SSH1: variants seen among roughly 807,000 people sequenced by gnomAD.
The protein encoded by SSH1 is slingshot protein phosphatase 1.
SSH1 carries 43 observed loss-of-function variants against 79.7 expected under a neutral mutation model. The ratio of observed to expected loss-of-function variants is 0.54; its 90% confidence interval spans 0.42 to 0.70. SSH1 has a LOEUF of 0.70. SSH1 is among the 30% of genes least tolerant of loss of function. The pLI is 0.00. For synonymous variants in SSH1, 599 were observed against 538.3 expected (o/e 1.11, Z -1.56); for missense variants, 1,206 against 1,358.8 (o/e 0.89, Z 1.77).
chr12:108,849,444 C>T (rs1566020799), intron 2 of SSH1, among the ~76,000 whole-genome samples: 1 of 152,112 alleles, frequency 6.6e-6, no homozygotes, highest in Non-Finnish European at 1.5e-5. Flanking sequence ...GTAGTCCCAG[C>T]TACTTGGGAG....
intron 2 of SSH1, among the ~76,000 whole-genome samples, chr12:108,831,093 T>C (rs2038460508): frequency 6.6e-6 from 1 of 152,144 alleles, no homozygotes; most frequent in Non-Finnish European, 1.5e-5. Flanking sequence ...ATAGTACAAA[T>C]TTAGGATTTC....
intron 8 of SSH1, among the ~76,000 whole-genome samples, 193 bp from the exon 9 acceptor site, chr12:108,806,587 G>A (rs2037288175): frequency 6.6e-6 from 1 of 152,196 alleles, no homozygotes; most frequent in African/African-American, 2.4e-5. Context: ...ACTCCCACGG[G>A]AGTCAACAGA....
Position 108,787,345 on chromosome 12 carries a change from C to G in SSH1, c.*643G>C, listed in dbSNP as rs2036308516. 1 of 153,340 alleles carries G rather than the reference C, an allele frequency of 6.5e-6. No homozygotes were observed. Among genetic ancestry groups the G allele is most frequent in the Non-Finnish European group, 1.5e-5 (1 of 68,920 alleles). The allele number at this position is 153,340 out of a possible 1,614,324, so 9.5% of individuals were successfully genotyped here. On this transcript the variant is annotated 3_prime_UTR_variant, in exon 15 of 15. Coordinates refer to ENST00000326495, the MANE Select transcript of SSH1 (RefSeq NM_018984.4). ...CCACCATTCGGGCACAGAGTCAGCT[C>G]AACAACAGCGTGGGACTACTCATCT...
At position 108,788,567 on chromosome 12, in the gene SSH1, C is replaced by A; in HGVS notation, c.2571G>T (p.Glu857Asp). Residue 857 changes from glutamate to aspartate, a missense_variant, in exon 15 of 15, where the codon GAG (glutamate) becomes GAT (aspartate). Glu to Asp is a conservative substitution (Grantham distance 45, BLOSUM62 2). Transcript: ENST00000326495. Reference sequence around the variant, plus strand: ...GGAGCGCGGCTGGATCCTGGCTCTCCTCGGGGATGCTGGCCTCCAGCCTGC... The same window carrying A: ...GGAGCGCGGCTGGATCCTGGCTCTCATCGGGGATGCTGGCCTCCAGCCTGC... ...PASRLEASIP[E>D]ESQDPAALHE... The A allele has an allele frequency of 6.3e-7, 1 of 1,596,728 alleles. No homozygotes were observed. The highest frequency in any genetic ancestry group is 8.5e-7 in the Non-Finnish European group (1 of 1,169,646).
At position 108,785,086 on chromosome 12, in the gene SSH1, C is replaced by G. The variant is rs2036234990; in HGVS notation, c.*2902G>C. 6.6e-6 allele frequency: 1 copy of G among 152,220 alleles called. No homozygotes were observed. 9.4% of individuals were successfully genotyped at this position (152,220 alleles called of 1,614,324 possible). ...TCGTCTTTGCCCAGGTGTCCCGACA[C>G]CTGACAGAATGCTCATCTTGTTCAT... On this transcript the variant is annotated 3_prime_UTR_variant, in exon 15 of 15. Transcript: ENST00000326495.
chr12:108,821,415 A>G (rs1049369861), intron 3 of SSH1, among the ~76,000 whole-genome samples: 1 of 143,254 alleles, frequency 7.0e-6, no homozygotes, highest in South Asian at 2.2e-4. Context: ...TCATATAATT[A>G]AAAAAAAAAA....
intron 2 of SSH1, among the ~76,000 whole-genome samples, chr12:108,835,939 A>AT (rs1469077051): frequency 3.1e-4 from 45 of 146,956 alleles, no homozygotes; most frequent in African/African-American, 6.4e-4. Flanking sequence ...AATCAATTAT[A>AT]ACTATATTAA....
intron 1 of SSH1, among the ~76,000 whole-genome samples, chr12:108,855,165 T>C (rs964224269): frequency 2.0e-5 from 3 of 152,190 alleles, no homozygotes; most frequent in African/African-American, 7.2e-5. Context: ...TGAAAAGGAA[T>C]GAAGTACTGC....
At chr12:108,806,682 G>A (rs555613048) in intron 8 of SSH1, among the ~76,000 whole-genome samples, 6 of 152,302 alleles carry the variant, frequency 3.9e-5, no homozygotes, top group Non-Finnish European at 7.4e-5. Context: ...GATGCCCAGC[G>A]CAACATCCCC....
At chr12:108,838,680 C>A (rs1192564495) in intron 2 of SSH1, among the ~76,000 whole-genome samples, 2 of 152,230 alleles carry the variant, frequency 1.3e-5, no homozygotes, top group Non-Finnish European at 2.9e-5. Context: ...AGGCATGCAG[C>A]ATCAGCTCTC....
rs1160568694 is a variant in SSH1 at position 108,778,515 on chromosome 12, C to T, written c.*9473G>A. On this transcript the variant is annotated 3_prime_UTR_variant, in exon 15 of 15. Transcript: ENST00000326495. Reference sequence around the variant, plus strand: ...AGCATCCACTGCTTCCTCTGTAAAACAGAATCATATCTGCGGTGAGGATTA... The same window carrying T: ...AGCATCCACTGCTTCCTCTGTAAAATAGAATCATATCTGCGGTGAGGATTA... The T allele has an allele frequency of 3.3e-5, 5 of 152,220 alleles. No individual in the cohort carries two copies. The highest frequency in any genetic ancestry group is 7.3e-5 in the Non-Finnish European group (5 of 68,046). The allele number at this position is 152,220 out of a possible 1,614,324, so 9.4% of individuals were successfully genotyped here.
In SSH1 at chr12:108,799,002, T is replaced by G; in HGVS notation, c.1347A>C (p.Ala449=). Residue 449 remains alanine, a splice_region_variant and synonymous_variant, in exon 13 of 15, where the codon GCA becomes GCC. Coordinates refer to ENST00000326495, the MANE Select transcript of SSH1 (RefSeq NM_018984.4). ...QLSEYEGILD[A]SKQRHNKLWR... is the part of the protein sequence containing the mutation. ...CTTCTCTCCAGGCAGGCACCCACCT[T>G]GCATCCAAGATGCCTTCATACTCAG... 6.2e-7 allele frequency: 1 copy of G among 1,612,756 alleles called. No individual in the cohort carries two copies. The highest frequency in any genetic ancestry group is 8.5e-7 in the Non-Finnish European group (1 of 1,180,028).
At chr12:108,809,942 C>T (rs1373238821) in intron 6 of SSH1, among the ~76,000 whole-genome samples, 184 bp from the exon 7 acceptor site, 1 of 152,126 alleles carries the variant, frequency 6.6e-6, no homozygotes. Flanking sequence ...GAAAGAGACA[C>T]ATTCCCAGAT....
intron 13 of SSH1, among the ~76,000 whole-genome samples, chr12:108,796,659 A>G (rs1185112082): frequency 5.9e-5 from 9 of 152,170 alleles, no homozygotes; most frequent in Admixed American, 5.9e-4. Flanking sequence ...TATAAGCACT[A>G]ATGTACAAAT....
At position 108,788,993 on chromosome 12, in the gene SSH1, T is replaced by A. The variant is rs2036386797; in HGVS notation, c.2145A>T (p.Leu715=). ...CTGCCCTCCTGGAGCCTGCTGGTGG[T>A]AGGAACGGGGGAGGTTCGGTTGGGC... The part of the protein sequence containing the change: ...ASGPTEPPPF[L]PPAGSRRADT... Residue 715 remains leucine, a synonymous_variant, in exon 15 of 15, where the codon CTA becomes CTT. Transcript: ENST00000326495. The A allele has an allele frequency of 6.2e-7, 1 of 1,610,202 alleles. No individual in the cohort carries two copies. The highest frequency in any genetic ancestry group is 8.5e-7 in the Non-Finnish European group (1 of 1,177,852).
At chr12:108,853,075 G>C (rs1024422772) in intron 1 of SSH1, 1 of 985,206 alleles carries the variant, frequency 1.0e-6, no homozygotes, top group Admixed American at 6.2e-5. Flanking sequence ...TTCCTCCGCA[G>C]AGCCAGGCAA....
chr12:108,792,703 C>A lies in SSH1; in HGVS notation c.1476G>T (p.Leu492=). 1 of 1,613,324 alleles carries A rather than the reference C, an allele frequency of 6.2e-7. No homozygotes were observed. The highest frequency in any genetic ancestry group is 2.2e-5 in the East Asian group (1 of 44,888). The change falls in exon 14 of 15, where the codon CTG becomes CTT. Residue 492 remains leucine (L), a synonymous_variant. Transcript: ENST00000326495. ...ETPDGTPESQ[L]PFLDDAAQPG... ...GCTGGGCGGCATCATCCAAGAAGGG[C>A]AGCTGGCTTTCCGGGGTGCCATCTG...
chr12:108,798,892 G>T, intron 13 of SSH1, 108 bp downstream of exon 13: 1 of 1,329,904 alleles, frequency 7.5e-7, no homozygotes, highest in Non-Finnish European at 1.1e-6. Context: ...GGAAGCGGCT[G>T]CTGGGCCGAA....
chr12:108,841,678 G>T lies in SSH1; in HGVS notation c.110+10960C>A, dbSNP rs192322565. Among the ~76,000 whole-genome samples, 270 of 152,110 alleles carry T rather than the reference G, an allele frequency of 1.8e-3. 1 individual carries two copies. Among genetic ancestry groups the T allele is most frequent in the Non-Finnish European group, 2.8e-3 (193 of 68,000 alleles). On this transcript the variant is annotated intron_variant, in intron 2 of 14. Coordinates refer to ENST00000326495, the MANE Select transcript of SSH1 (RefSeq NM_018984.4). ...CGAAAAATTAGCTAGGGGTGGTGGC[G>T]CATGCCTGTAATCCCAGCTACTCGG... is the stretch of plus-strand genomic sequence containing the variant.
Sources: allele counts gnomAD v4.1 joint callset (sites outside exome capture counted in the v4.1 genomes callset), GRCh38; gene constraint gnomAD v4.1.1; transcripts MANE v1.5; gene names NCBI Gene and HGNC (gene_info 2026-07-23, HGNC 2026-07-21).